Variants in PDZRN3 observed in about 807,000 individuals in gnomAD.
The protein encoded by PDZRN3 is PDZ domain containing ring finger 3, also known as E3 ubiquitin-protein ligase PDZRN3.
Under a neutral mutation model 85.7 loss-of-function variants are expected in PDZRN3, and 38 were observed. That is an observed-to-expected ratio of 0.44 (90% confidence interval 0.34 to 0.58). The LOEUF (loss-of-function observed/expected upper bound fraction) is 0.58. Ranked by LOEUF, PDZRN3 falls within the 20% of genes least tolerant of loss-of-function variation. PDZRN3 has a pLI of 0.01. For synonymous variants in PDZRN3, 759 were observed against 638.0 expected (o/e 1.19, Z -2.86); for missense variants, 1,629 against 1,506.4 (o/e 1.08, Z -1.35).
Position 73,465,920 on chromosome 3 carries a change from G to A in PDZRN3, c.919-61525C>T, listed in dbSNP as rs187272573. On this transcript the variant is annotated intron_variant, in intron 3 of 9. Transcript: ENST00000263666. ...TTCAATTGACTGAATTTTGCATTGA[G>A]GAATGAATTGCTGAATGACTTTGGA... 2.6e-5 allele frequency among the ~76,000 whole-genome samples: 4 copies of A among 152,274 alleles called. No individual in the cohort carries two copies. The East Asian group carries it at 7.7e-4, about 29-fold the overall frequency.
intron 3 of PDZRN3, among the ~76,000 whole-genome samples, chr3:73,467,319 C>T (rs930584800): frequency 6.6e-6 from 1 of 152,192 alleles, no homozygotes; most frequent in Non-Finnish European, 1.5e-5. Context: ...AAGGAAGCAG[C>T]AGGATGGCAA....
At chr3:73,496,244 T>C (rs1703864089) in intron 3 of PDZRN3, among the ~76,000 whole-genome samples, 1 of 152,246 alleles carries the variant, frequency 6.6e-6, no homozygotes, top group South Asian at 2.1e-4. Context: ...AAGTTGTTGA[T>C]GCCTATTGAG....
intron 3 of PDZRN3, among the ~76,000 whole-genome samples, chr3:73,467,459 G>C (rs1036512117): frequency 6.6e-6 from 1 of 152,174 alleles, no homozygotes; most frequent in East Asian, 1.9e-4. Flanking sequence ...CTGCCTAGAT[G>C]TTCTACACAG....
At chr3:73,453,655 C>T (rs1289955499) in intron 3 of PDZRN3, among the ~76,000 whole-genome samples, 1 of 151,706 alleles carries the variant, frequency 6.6e-6, no homozygotes, top group Non-Finnish European at 1.5e-5. Flanking sequence ...GTAGAATTAG[C>T]AACGTTGATA....
Position 73,624,855 on chromosome 3 carries a change from G to A in PDZRN3, c.-30C>T. The stretch of plus-strand genomic sequence containing the variant: ...GCGGCCAGGCCCCGGGGTCGCCGCC[G>A]GGCGGCCGGGCGCCCCCTCCCTCCC... On this transcript the variant is annotated 5_prime_UTR_variant, in exon 1 of 10. Coordinates refer to ENST00000263666, the MANE Select transcript of PDZRN3 (RefSeq NM_015009.3). 5 of 1,267,416 alleles carry A rather than the reference G, an allele frequency of 3.9e-6. No individual in the cohort carries two copies. In the Admixed American group the frequency reaches 1.7e-4, roughly 43 times the overall value. The allele number at this position is 1,267,416 out of a possible 1,614,324, so 78.5% of individuals were successfully genotyped here. A position where few individuals can be genotyped will look rare whatever the true frequency, so the allele number is the denominator to read the frequency against.
At chr3:73,560,910 A>G (rs1289872322) in intron 3 of PDZRN3, among the ~76,000 whole-genome samples, 1 of 152,224 alleles carries the variant, frequency 6.6e-6, no homozygotes, top group Non-Finnish European at 1.5e-5. Flanking sequence ...TTTGTACACT[A>G]AAGTCTATTT....
intron 5 of PDZRN3, among the ~76,000 whole-genome samples, chr3:73,398,139 C>T (rs982562636): frequency 2.0e-5 from 3 of 152,166 alleles, no homozygotes; most frequent in African/African-American, 7.2e-5. Flanking sequence ...TTTCTAAACA[C>T]CTGCGTTGTG....
At chr3:73,539,971 C>T (rs1282742589) in intron 3 of PDZRN3, among the ~76,000 whole-genome samples, 3 of 150,666 alleles carry the variant, frequency 2.0e-5, no homozygotes, top group Non-Finnish European at 2.9e-5. Context: ...AAGTACTGCA[C>T]GGATGAAGAT....
intron 3 of PDZRN3, among the ~76,000 whole-genome samples, chr3:73,565,926 G>A (rs1701940519): frequency 6.6e-6 from 1 of 152,018 alleles, no homozygotes; most frequent in African/African-American, 2.4e-5. Context: ...GGCTTATCCT[G>A]TGCGATAAGG....
chr3:73,530,724 T>C (rs540868158), intron 3 of PDZRN3, among the ~76,000 whole-genome samples: 102 of 152,334 alleles, frequency 6.7e-4, no homozygotes, highest in African/African-American at 2.3e-3. Flanking sequence ...GGAAAATCTT[T>C]GGTTTCTATT....
At chr3:73,400,879 C>T (rs1367401430) in intron 5 of PDZRN3, 43 bp downstream of exon 5, 2 of 1,363,426 alleles carry the variant, frequency 1.5e-6, no homozygotes, top group Non-Finnish European at 2.1e-6. Flanking sequence ...ATTCTGTGTT[C>T]TTAATAATGA....
chr3:73,542,096 T>C (rs1308247827), intron 3 of PDZRN3, among the ~76,000 whole-genome samples: 1 of 152,190 alleles, frequency 6.6e-6, no homozygotes, highest in Non-Finnish European at 1.5e-5. Context: ...GAACTATTAA[T>C]GGGGTTGCAT....
At chr3:73,579,171 G>A (rs1702164096) in intron 3 of PDZRN3, among the ~76,000 whole-genome samples, 1 of 152,106 alleles carries the variant, frequency 6.6e-6, no homozygotes, top group Non-Finnish European at 1.5e-5. Context: ...GAGGCTCAAG[G>A]GAGCTCCCTT....
At chr3:73,520,754 C>T (rs1168791083) in intron 3 of PDZRN3, among the ~76,000 whole-genome samples, 1 of 151,972 alleles carries the variant, frequency 6.6e-6, no homozygotes, top group Non-Finnish European at 1.5e-5. Context: ...CAGGGGCAAG[C>T]AGGTGTTGAT....
chr3:73,425,763 C>A (rs1015707469), intron 3 of PDZRN3, among the ~76,000 whole-genome samples: 2 of 152,050 alleles, frequency 1.3e-5, no homozygotes, highest in Non-Finnish European at 1.5e-5. Flanking sequence ...ACAAAAAAAT[C>A]GACTTCTAGA....
At chr3:73,505,883 A>G (rs1014409690) in intron 3 of PDZRN3, among the ~76,000 whole-genome samples, 2 of 152,260 alleles carry the variant, frequency 1.3e-5, no homozygotes, top group African/African-American at 4.8e-5. Flanking sequence ...CTTTCCAACC[A>G]ATCCCTCTGT....
chr3:73,609,163 G>A (rs909941010), intron 1 of PDZRN3, among the ~76,000 whole-genome samples: 3 of 152,028 alleles, frequency 2.0e-5, no homozygotes, highest in African/African-American at 7.2e-5. Flanking sequence ...TGGGAGACTT[G>A]GGGAAAAATA....
intron 3 of PDZRN3, among the ~76,000 whole-genome samples, chr3:73,475,320 A>C (rs1703427397): frequency 6.6e-6 from 1 of 152,200 alleles, no homozygotes; most frequent in African/African-American, 2.4e-5. Context: ...AAGCGTGCTG[A>C]CTTATGAAAG....
intron 3 of PDZRN3, among the ~76,000 whole-genome samples, chr3:73,472,933 A>AT (rs1368801980): frequency 2.6e-5 from 4 of 152,230 alleles, no homozygotes; most frequent in Non-Finnish European, 5.9e-5. Context: ...AAGATATACC[A>AT]TGTTGGTCTT....
Sources: gnomAD v4.1 joint callset for allele counts (sites outside exome capture counted in the v4.1 genomes callset) on GRCh38, gnomAD v4.1.1 for gene constraint, MANE v1.5 for transcripts, NCBI Gene and HGNC (gene_info 2026-07-23, HGNC 2026-07-21) for gene names.